Variants in ADGRL2 observed in about 807,000 individuals in gnomAD.
ADGRL2 encodes the protein calcium-independent alpha-latrotoxin receptor 2.
A neutral mutation model predicts 157.4 loss-of-function variants in ADGRL2; 44 were observed. That is an observed-to-expected ratio of 0.28 (90% CI 0.22 to 0.36). The LOEUF is 0.36. ADGRL2 is among the 10% of genes least tolerant of loss of function. ADGRL2 has a pLI of 1.00. For missense variants in ADGRL2, 1,510 were observed against 1,768.9 expected, an observed-to-expected ratio of 0.85 and a Z score of 2.63; for synonymous variants, 585 against 624.7, an observed-to-expected ratio of 0.94 and a Z score of 0.95.
intron 2 of ADGRL2, among the ~76,000 whole-genome samples, chr1:81,879,814 G>A (rs531832927): frequency 6.6e-6 from 1 of 152,144 alleles, no homozygotes; most frequent in South Asian, 2.1e-4. Context: ...GAGTCCTGAG[G>A]CCAGGAGTTT....
At chr1:81,523,989 C>T (rs886421566) in intron 2 of ADGRL2, among the ~76,000 whole-genome samples, 8 of 151,244 alleles carry the variant, frequency 5.3e-5, no homozygotes, top group South Asian at 4.2e-4. Flanking sequence ...TGCTTGAACC[C>T]GGGAGGTGAA....
chr1:81,753,458 G>C (rs1557622076), intron 1 of ADGRL2, among the ~76,000 whole-genome samples: 1 of 152,164 alleles, frequency 6.6e-6, no homozygotes, highest in African/African-American at 2.4e-5. Context: ...GATGAGATTT[G>C]GGTGGAGACA....
At chr1:81,898,001 A>C (rs2094423274) in intron 2 of ADGRL2, among the ~76,000 whole-genome samples, 1 of 152,164 alleles carries the variant, frequency 6.6e-6, no homozygotes, top group Non-Finnish European at 1.5e-5. Context: ...TGGGGTGAGG[A>C]AGAGGCTGAT....
At chr1:81,803,502 A>G (rs1557672395) in intron 1 of ADGRL2, among the ~76,000 whole-genome samples, 1 of 151,868 alleles carries the variant, frequency 6.6e-6, no homozygotes, top group Non-Finnish European at 1.5e-5. Context: ...GTCCTGCGGT[A>G]TCTATCATAG....
chr1:81,329,951 T>G (rs1319103539), intron 1 of ADGRL2, among the ~76,000 whole-genome samples: 1 of 152,198 alleles, frequency 6.6e-6, no homozygotes, highest in Non-Finnish European at 1.5e-5. Flanking sequence ...TTACTTCTTT[T>G]GCTTTGCACA....
chr1:81,411,428 G>T (rs1025608105), intron 1 of ADGRL2, among the ~76,000 whole-genome samples: 6 of 152,128 alleles, frequency 3.9e-5, no homozygotes, highest in Non-Finnish European at 7.4e-5. Flanking sequence ...GCAGCCCCAT[G>T]AGGGAGATAT....
chr1:81,578,477 A>G (rs756469041), intron 2 of ADGRL2, among the ~76,000 whole-genome samples: 3 of 152,174 alleles, frequency 2.0e-5, no homozygotes, highest in Non-Finnish European at 2.9e-5. Context: ...TAATGAAACA[A>G]TTTTAATATA....
intron 3 of ADGRL2, among the ~76,000 whole-genome samples, chr1:81,612,976 T>C (rs145158552): frequency 1.8e-4 from 28 of 152,328 alleles, no homozygotes; most frequent in African/African-American, 5.5e-4. Flanking sequence ...AAGGGTACTA[T>C]AAATGCTAGA....
At position 81,567,477 on chromosome 1, in the gene ADGRL2, C is replaced by T. The variant is rs535607797; in HGVS notation, c.-247-13399C>T. On this transcript the variant is annotated intron_variant, in intron 2 of 24. Transcript: ENST00000370721. Reference sequence around the variant, plus strand: ...CAATAAGGAAAATATGTAGGGCACTCGGTACTTATCCGGAATGCTGAAAAT... The same window carrying T: ...CAATAAGGAAAATATGTAGGGCACTTGGTACTTATCCGGAATGCTGAAAAT... Among the ~76,000 whole-genome samples, 435 of 152,112 alleles carry T rather than the reference C, an allele frequency of 2.9e-3. 3 individuals carry two copies. Among genetic ancestry groups the T allele is most frequent in the Non-Finnish European group, 4.0e-3 (275 of 67,962 alleles).
At chr1:81,809,819 A>T (rs1252353928) in intron 1 of ADGRL2, among the ~76,000 whole-genome samples, 1 of 152,020 alleles carries the variant, frequency 6.6e-6, no homozygotes, top group Non-Finnish European at 1.5e-5. Context: ...TATGATTAAG[A>T]TATCTCTTTT....
Position 81,943,229 on chromosome 1 carries a change from T to A in ADGRL2, c.670T>A (p.Phe224Ile), listed in dbSNP as rs750247592. 1 of 1,613,684 alleles carries A rather than the reference T, an allele frequency of 6.2e-7. No homozygotes were observed. The highest frequency in any genetic ancestry group is 8.5e-7 in the Non-Finnish European group (1 of 1,179,686). Residue 224 changes from phenylalanine to isoleucine, a missense_variant, in exon 6 of 24, where the codon TTC becomes ATC. Transcript: ENST00000686636. This position sits in a 1 kb window ranked among gnomAD's most constrained non-coding sequence, Gnocchi z 5.6. ...TGFVVYDGAVFFNKERTRNIV... is the reference protein window; with the variant it reads ...TGFVVYDGAVIFNKERTRNIV... ...ATTTGTGGTGTATGATGGTGCTGTCTTCTTTAACAAAGAAAGAACGAGGAA... is the reference window on the plus strand; with the variant it reads ...ATTTGTGGTGTATGATGGTGCTGTCATCTTTAACAAAGAAAGAACGAGGAA...
intron 1 of ADGRL2, among the ~76,000 whole-genome samples, chr1:81,760,792 C>A (rs1176025359): frequency 1.3e-5 from 2 of 151,068 alleles, no homozygotes; most frequent in Non-Finnish European, 1.5e-5. Flanking sequence ...GAAATAAATT[C>A]CATGTAAAAT....
chr1:81,843,986 A>T, intron 2 of ADGRL2, among the ~76,000 whole-genome samples: 1 of 152,132 alleles, frequency 6.6e-6, no homozygotes, highest in African/African-American at 2.4e-5. Context: ...TGGCGGAAAA[A>T]GTATTGCAAA....
rs1660249391 is a variant in ADGRL2 at position 81,318,267 on chromosome 1, G to A, written c.-302+11758G>A. ...AGTTTATTGATTGATATTAGTCAGTGAAGCCAAGATTACATTTTACATCAA... is the reference window on the plus strand; with the variant it reads ...AGTTTATTGATTGATATTAGTCAGTAAAGCCAAGATTACATTTTACATCAA... On this transcript the variant is annotated intron_variant, in intron 1 of 24. Transcript: ENST00000370721. Among the ~76,000 whole-genome samples, 3 of 152,260 alleles carry A rather than the reference G, an allele frequency of 2.0e-5. No individual in the cohort carries two copies. In the South Asian group the frequency reaches 6.2e-4, roughly 32 times the overall value.
intron 1 of ADGRL2, among the ~76,000 whole-genome samples, chr1:81,332,283 A>G (rs1661327143): frequency 6.6e-6 from 1 of 151,974 alleles, no homozygotes; most frequent in South Asian, 2.1e-4. Flanking sequence ...TCACAACTTC[A>G]TTTTTTTTCT....
At chr1:81,479,370 C>T (rs2078338419) in intron 2 of ADGRL2, among the ~76,000 whole-genome samples, 1 of 151,850 alleles carries the variant, frequency 6.6e-6, no homozygotes, top group Admixed American at 6.6e-5. Context: ...GTAATCCCAG[C>T]TGCTCGGGAG....
At chr1:81,553,839 A>G (rs2080209296) in intron 2 of ADGRL2, among the ~76,000 whole-genome samples, 1 of 152,238 alleles carries the variant, frequency 6.6e-6, no homozygotes. Context: ...CAGGAAAGCC[A>G]GAGAGAGGCA....
intron 1 of ADGRL2, among the ~76,000 whole-genome samples, chr1:81,834,933 A>G (rs1571541245): frequency 6.6e-6 from 1 of 152,108 alleles, no homozygotes; most frequent in Non-Finnish European, 1.5e-5. Flanking sequence ...TTCCTGGCCA[A>G]AGACCACAAT....
chr1:81,307,337 G>A (rs143885411), intron 1 of ADGRL2, among the ~76,000 whole-genome samples: 173 of 152,198 alleles, frequency 1.1e-3, no homozygotes, highest in Middle Eastern at 0.01. Flanking sequence ...CTGGGCTTAC[G>A]TTACTTCATA....
Sources: allele counts gnomAD v4.1 joint callset (sites outside exome capture counted in the v4.1 genomes callset), GRCh38; gene constraint gnomAD v4.1.1; non-coding constraint Gnocchi (gnomAD v3.1); transcripts MANE v1.5; gene names NCBI Gene and HGNC (gene_info 2026-07-23, HGNC 2026-07-21).